LPCAT1: variants seen among roughly 807,000 people sequenced by gnomAD.
The protein encoded by LPCAT1 is lysophosphatidylcholine acyltransferase 1, also known as 1-acylglycerol-3-phosphate O-acyltransferase.
Under a neutral mutation model 60.9 loss-of-function variants are expected in LPCAT1, and 23 were observed. The observed-to-expected ratio is 0.38, with a 90% confidence interval of 0.27 to 0.53. LPCAT1 has a LOEUF of 0.53. Ranked by LOEUF, LPCAT1 falls within the 20% of genes least tolerant of loss-of-function variation. LPCAT1 has a pLI of 0.82. For synonymous variants in LPCAT1, 340 were observed against 301.1 expected, an observed-to-expected ratio of 1.13 and a Z score of -1.34; for missense variants, 622 against 723.6, an observed-to-expected ratio of 0.86 and a Z score of 1.61.
rs1390233032 is a variant in LPCAT1 at position 1,481,441 on chromosome 5, G to A, written c.727-465C>T. ...CTCTGAGTGTTCCCCCAACCACGGT[G>A]CATGTGCAGGGCCCCCCCACCCCGG... On this transcript the variant is annotated intron_variant, in intron 6 of 13. Coordinates refer to ENST00000283415, the MANE Select transcript of LPCAT1 (RefSeq NM_024830.5). This position sits in a 1 kb window ranked among gnomAD's most constrained non-coding sequence, Gnocchi z 7.8. 1.3e-5 allele frequency among the ~76,000 whole-genome samples: 2 copies of A among 152,208 alleles called. No homozygotes were observed. The highest frequency in any genetic ancestry group is 2.1e-4 in the South Asian group (1 of 4,828).
At chr5:1,484,460 G>A (rs1340258027) in intron 5 of LPCAT1, among the ~76,000 whole-genome samples, 1 of 152,232 alleles carries the variant, frequency 6.6e-6, no homozygotes, top group East Asian at 1.9e-4. Flanking sequence ...GGCGGTCTGA[G>A]AAGGGCTCCC....
chr5:1,516,470 T>A (rs1736508255), intron 1 of LPCAT1, among the ~76,000 whole-genome samples: 1 of 152,136 alleles, frequency 6.6e-6, no homozygotes, highest in African/African-American at 2.4e-5. Context: ...TCCATGCTGA[T>A]CCACGCCTGC....
At chr5:1,520,719 C>T (rs949823135) in intron 1 of LPCAT1, among the ~76,000 whole-genome samples, 5 of 151,672 alleles carry the variant, frequency 3.3e-5, no homozygotes, top group African/African-American at 4.8e-5. Context: ...AAAAATTAGC[C>T]GGGCATTGTG....
chr5:1,463,655 T>C lies in LPCAT1; in HGVS notation c.1601A>G (p.Asp534Gly), dbSNP rs762911281. ...AGRKPVRKKL[D>G] ...GTCTCTCCGCAACCCTGGGTCCTAA[T>C]CCAGCTTCTTGCGAACAGGCTTCCG... The change falls in exon 14 of 14, where the codon GAT becomes GGT. Residue 534 changes from aspartate to glycine, a missense_variant. Physicochemically the swap from Asp to Gly is moderately conservative, Grantham distance 94. Coordinates refer to ENST00000283415, the MANE Select transcript of LPCAT1 (RefSeq NM_024830.5). 6.2e-7 allele frequency: 1 copy of C among 1,614,114 alleles called. No homozygotes were observed. Among genetic ancestry groups the C allele is most frequent in the East Asian group, 2.2e-5 (1 of 44,876 alleles).
At chr5:1,501,352 G>C in intron 2 of LPCAT1, 109 bp downstream of exon 2, 1 of 1,417,646 alleles carries the variant, frequency 7.1e-7, no homozygotes, top group Non-Finnish European at 9.5e-7. Flanking sequence ...AGAAGGGAAG[G>C]ACAGATGGGC....
At chr5:1,519,455 A>G (rs1038354831) in intron 1 of LPCAT1, among the ~76,000 whole-genome samples, 1 of 152,258 alleles carries the variant, frequency 6.6e-6, no homozygotes, top group African/African-American at 2.4e-5. Context: ...AAAGTTAACC[A>G]CAACTAAGTT....
In LPCAT1 at chr5:1,495,441, A is replaced by G. The variant is rs907974343; in HGVS notation, c.279-527T>C. 2.0e-5 allele frequency among the ~76,000 whole-genome samples: 3 copies of G among 152,090 alleles called. No homozygotes were observed. Among genetic ancestry groups the G allele is most frequent in the Admixed American group, 2.0e-4 (3 of 15,282 alleles). On this transcript the variant is annotated intron_variant, in intron 2 of 13. Transcript: ENST00000283415. The surrounding 1 kb of genome is among the most constrained non-coding windows in gnomAD (Gnocchi z 4.7). ...TCCCACAACCAGGCGTTGTGTTATT[A>G]CAGTGAGCTGTTTCTGGAGGAAATT...
rs377271161 is a variant in LPCAT1 at position 1,477,374 on chromosome 5, C to T, written c.899+30G>A. On this transcript the variant is annotated intron_variant, in intron 9 of 13. Transcript: ENST00000283415. The surrounding 1 kb of genome is among the most constrained non-coding windows in gnomAD (Gnocchi z 6.0). ...AGCACTCTGGGAGACACCCCTGACT[C>T]GGCGATGGGGGAAGGAGCTGCTCAC... is the stretch of plus-strand genomic sequence containing the variant. 2.5e-6 allele frequency: 4 copies of T among 1,595,676 alleles called. No homozygotes were observed. Among genetic ancestry groups the T allele is most frequent in the South Asian group, 1.1e-5 (1 of 90,550 alleles).
chr5:1,508,959 T>C (rs755732009), intron 1 of LPCAT1, among the ~76,000 whole-genome samples: 2 of 152,258 alleles, frequency 1.3e-5, no homozygotes, highest in Non-Finnish European at 2.9e-5. Context: ...CCAGAGAACA[T>C]GTGGTCCCTC....
chr5:1,480,871 G>A lies in LPCAT1; in HGVS notation c.761+71C>T. ...ACTGCAAAAGTAACTAGCGTGCACAGCAGACCCCAAGCAGCCCCTACGTGT... is the reference window on the plus strand; with the variant it reads ...ACTGCAAAAGTAACTAGCGTGCACAACAGACCCCAAGCAGCCCCTACGTGT... On this transcript the variant is annotated intron_variant, in intron 7 of 13. Transcript: ENST00000283415. The surrounding 1 kb of genome is among the most constrained non-coding windows in gnomAD (Gnocchi z 6.4). The A allele has an allele frequency of 1.3e-5, 21 of 1,570,276 alleles. No individual in the cohort carries two copies. The highest frequency in any genetic ancestry group is 1.8e-5 in the Non-Finnish European group (21 of 1,140,702).
At chr5:1,489,880 G>A (rs933960868) in intron 3 of LPCAT1, 22 bp from the exon 4 acceptor site, 24 of 1,533,980 alleles carry the variant, frequency 1.6e-5, no homozygotes, top group South Asian at 4.5e-5. Flanking sequence ...GAGGGGAGAC[G>A]GATCACGTGG....
intron 5 of LPCAT1, among the ~76,000 whole-genome samples, chr5:1,486,967 C>T (rs1250009561): frequency 6.6e-6 from 1 of 152,210 alleles, no homozygotes; most frequent in African/African-American, 2.4e-5. Flanking sequence ...GCCATGAGTC[C>T]CCTCAGTTTC....
chr5:1,480,864 G>T lies in LPCAT1; in HGVS notation c.761+78C>A, dbSNP rs556822595. The stretch of plus-strand genomic sequence containing the variant: ...TTTCACAACTGCAAAAGTAACTAGC[G>T]TGCACAGCAGACCCCAAGCAGCCCC... On this transcript the variant is annotated intron_variant, in intron 7 of 13. Transcript: ENST00000283415. This position sits in a 1 kb window ranked among gnomAD's most constrained non-coding sequence, Gnocchi z 6.4. 21 of 1,536,178 alleles carry T rather than the reference G, an allele frequency of 1.4e-5. No homozygotes were observed. In the South Asian group the frequency reaches 2.3e-4, roughly 17 times the overall value.
intron 13 of LPCAT1, among the ~76,000 whole-genome samples, chr5:1,464,397 C>A (rs1370662696): frequency 2.0e-5 from 3 of 152,152 alleles, no homozygotes; most frequent in African/African-American, 7.2e-5. Context: ...CATGCTAGGC[C>A]GCTCCAGAAA....
chr5:1,488,860 CAG>C (rs1393216022), intron 4 of LPCAT1, among the ~76,000 whole-genome samples: 40 of 152,212 alleles, frequency 2.6e-4, no homozygotes, highest in African/African-American at 8.9e-4. Context: ...CCACAAATGG[CAG>C]TGCCTGGCTG....
chr5:1,472,872 C>G (rs1054972002), intron 11 of LPCAT1, among the ~76,000 whole-genome samples: 3 of 152,108 alleles, frequency 2.0e-5, no homozygotes, highest in African/African-American at 7.2e-5. Context: ...GGGCCCGTGG[C>G]TGGGGGCCCC....
chr5:1,481,224 A>C lies in LPCAT1; in HGVS notation c.727-248T>G, dbSNP rs111454557. Among the ~76,000 whole-genome samples, 12,740 of 151,966 alleles carry C rather than the reference A, an allele frequency of 0.084. 1,737 individuals are homozygous for C. The highest frequency in any genetic ancestry group is 0.29 in the African/African-American group (11,889 of 41,334). ...GAGAACCACCACCTTACAGGTCCCC[A>C]GAGTTCCCCCAAGATCCCCAGAGTC... On this transcript the variant is annotated intron_variant, in intron 6 of 13. Coordinates refer to ENST00000283415, the MANE Select transcript of LPCAT1 (RefSeq NM_024830.5). The surrounding 1 kb of genome is among the most constrained non-coding windows in gnomAD (Gnocchi z 7.8).
chr5:1,461,916 A>C lies in LPCAT1; in HGVS notation c.*1735T>G, dbSNP rs1734112824. 6.6e-6 allele frequency: 1 copy of C among 152,638 alleles called. No homozygotes were observed. The allele number at this position is 152,638 out of a possible 1,614,324, so 9.5% of individuals were successfully genotyped here. On this transcript the variant is annotated 3_prime_UTR_variant, in exon 14 of 14. Transcript: ENST00000283415. ...GCATTCTCCAATTATAAAATCAGTG[A>C]CTGTTAGCTACCAAAGGCTGCACTA...
chr5:1,485,852 G>A (rs56358072), intron 5 of LPCAT1, among the ~76,000 whole-genome samples: 33,283 of 152,188 alleles, frequency 0.22, 3,907 homozygotes, highest in East Asian at 0.43. Flanking sequence ...TTCACAGCCC[G>A]TGCAGGGAGG....
Sources: gnomAD v4.1 joint callset for allele counts (sites outside exome capture counted in the v4.1 genomes callset) on GRCh38, gnomAD v4.1.1 for gene constraint, Gnocchi (gnomAD v3.1) non-coding constraint, MANE v1.5 for transcripts, NCBI Gene and HGNC (gene_info 2026-07-23, HGNC 2026-07-21) for gene names.